CACUL1: variants seen among roughly 807,000 people sequenced by gnomAD.
CACUL1 encodes the protein CDK2 associated cullin domain 1, also known as CDK2-associated and cullin domain-containing protein 1.
In CACUL1, 13 loss-of-function variants were observed where a neutral mutation model predicts 45.2. The ratio of observed to expected loss-of-function variants is 0.29; its 90% confidence interval spans 0.19 to 0.46. The LOEUF is 0.46. Among genes scored for constraint, CACUL1 ranks in the 20% least tolerant of loss-of-function variants. CACUL1 has a pLI of 1.00. For missense variants in CACUL1, 421 were observed against 471.4 expected, an observed-to-expected ratio of 0.89 and a Z score of 0.99; for synonymous variants, 197 against 174.2, an observed-to-expected ratio of 1.13 and a Z score of -1.03.
chr10:118,714,338 A>G (rs1845521287), intron 3 of CACUL1, among the ~76,000 whole-genome samples: 1 of 152,116 alleles, frequency 6.6e-6, no homozygotes, highest in Admixed American at 6.5e-5. Flanking sequence ...GATCTTCCCA[A>G]TGTTGATTTC....
rs1845530047 is a variant in CACUL1 at position 118,715,152 on chromosome 10, AAAT to A, written c.598-7568_598-7566del. On this transcript the variant is annotated intron_variant, in intron 3 of 8. Coordinates refer to ENST00000369151, the MANE Select transcript of CACUL1 (RefSeq NM_153810.5). ...ATAGTCTTATGCATAATTATATTAA[AAAT>A]AATTTCAGTTGTCCAGTTTAAATAG... is the stretch of plus-strand genomic sequence containing the variant. 2.0e-5 allele frequency among the ~76,000 whole-genome samples: 3 copies of A among 152,254 alleles called. No homozygotes were observed. In the South Asian group the frequency reaches 6.2e-4, roughly 31 times the overall value.
intron 1 of CACUL1, among the ~76,000 whole-genome samples, chr10:118,736,160 G>A (rs1380540497): frequency 1.3e-5 from 2 of 152,136 alleles, no homozygotes; most frequent in South Asian, 2.1e-4. Context: ...GGAAGCCCTT[G>A]TAGATAAAGA....
intron 5 of CACUL1, among the ~76,000 whole-genome samples, 167 bp downstream of exon 5, chr10:118,701,139 C>A (rs1224432002): frequency 6.6e-6 from 1 of 152,058 alleles, no homozygotes; most frequent in Non-Finnish European, 1.5e-5. Context: ...CCTTCAAGTC[C>A]CATTTTTAAT....
chr10:118,743,511 C>T (rs1372783423), intron 1 of CACUL1, among the ~76,000 whole-genome samples: 1 of 152,050 alleles, frequency 6.6e-6, no homozygotes, highest in East Asian at 1.9e-4. Flanking sequence ...AGTGGCTCAC[C>T]TAAGGTCAGG....
In CACUL1 at chr10:118,707,576, T is replaced by C. The variant is rs774482844; in HGVS notation, c.609A>G (p.Pro203=). 2 of 1,537,120 alleles carry C rather than the reference T, an allele frequency of 1.3e-6. No individual in the cohort carries two copies. The highest frequency in any genetic ancestry group is 1.8e-6 in the Non-Finnish European group (2 of 1,111,596). The change falls in exon 4 of 9, where the codon CCA becomes CCG. Residue 203 remains proline (P), a synonymous_variant. Coordinates refer to ENST00000369151, the MANE Select transcript of CACUL1 (RefSeq NM_153810.5). ...RVSKELQASP[P]DLYIERFNIA... ...TATTAAATCTTTCAATATAGAGATC[T>C]GGAGGGCTGGCCTGTGAGAAAGAAC...
intron 3 of CACUL1, among the ~76,000 whole-genome samples, chr10:118,710,365 G>A (rs1408314633): frequency 1.3e-5 from 2 of 152,124 alleles, no homozygotes; most frequent in African/African-American, 4.8e-5. Context: ...CTCAAAGCAT[G>A]ATCAATCCAA....
chr10:118,676,872 A>ACACACG lies in CACUL1; in HGVS notation c.*9255_*9256insCGTGTG, dbSNP rs1218530424. On this transcript the variant is annotated 3_prime_UTR_variant, in exon 9 of 9. Coordinates refer to ENST00000369151, the MANE Select transcript of CACUL1 (RefSeq NM_153810.5). ...CACACACACACACACACACACACAC[A>ACACACG]CTGGGGTGTGCACACTACGGCATTA... 6.6e-6 allele frequency: 1 copy of ACACACG among 151,044 alleles called. No homozygotes were observed. Among genetic ancestry groups the ACACACG allele is most frequent in the African/African-American group, 2.5e-5 (1 of 40,780 alleles). 9.4% of individuals were successfully genotyped at this position (151,044 alleles called of 1,614,324 possible).
chr10:118,708,305 G>A (rs1845452681), intron 3 of CACUL1, among the ~76,000 whole-genome samples: 1 of 152,106 alleles, frequency 6.6e-6, no homozygotes, highest in African/African-American at 2.4e-5. Context: ...TGTACTATTA[G>A]AATGGCTAAT....
chr10:118,700,280 A>G (rs1845365802), intron 5 of CACUL1, among the ~76,000 whole-genome samples: 1 of 152,224 alleles, frequency 6.6e-6, no homozygotes, highest in African/African-American at 2.4e-5. Context: ...GATGTGTCAC[A>G]TAAGATAGGA....
At chr10:118,746,919 A>G (rs1845848085) in intron 1 of CACUL1, among the ~76,000 whole-genome samples, 1 of 152,224 alleles carries the variant, frequency 6.6e-6, no homozygotes, top group African/African-American at 2.4e-5. Context: ...CCCAGGCCAC[A>G]GGAACCGGTC....
intron 1 of CACUL1, among the ~76,000 whole-genome samples, chr10:118,738,603 C>T (rs543166191): frequency 2.6e-5 from 4 of 151,782 alleles, no homozygotes; most frequent in Non-Finnish European, 5.9e-5. Context: ...AATAGCAGCT[C>T]TGCATTCAAT....
intron 3 of CACUL1, among the ~76,000 whole-genome samples, chr10:118,717,267 T>C (rs891387585): frequency 6.6e-6 from 1 of 152,232 alleles, no homozygotes; most frequent in African/African-American, 2.4e-5. Flanking sequence ...AACACAGGCA[T>C]TTACTGCAGG....
intron 1 of CACUL1, among the ~76,000 whole-genome samples, chr10:118,751,952 T>C (rs1399774661): frequency 6.6e-6 from 1 of 152,174 alleles, no homozygotes; most frequent in Non-Finnish European, 1.5e-5. Context: ...TTACATATAG[T>C]ATTTACTTTT....
chr10:118,688,582 C>T (rs937656747), intron 7 of CACUL1, among the ~76,000 whole-genome samples: 2 of 152,130 alleles, frequency 1.3e-5, no homozygotes, highest in Non-Finnish European at 2.9e-5. Context: ...GGAACGCTCT[C>T]TCAAAACCCT....
At chr10:118,737,112 A>AT (rs1259267112) in intron 1 of CACUL1, among the ~76,000 whole-genome samples, 2 of 150,472 alleles carry the variant, frequency 1.3e-5, no homozygotes, top group Non-Finnish European at 3.0e-5. Context: ...GTACTTTAAC[A>AT]TATCTGTTCC....
At position 118,702,824 on chromosome 10, in the gene CACUL1, C is replaced by A. The variant is rs112858729; in HGVS notation, c.694-1416G>T. ...CTCAAACTCCTGACCTCAGGTGATC[C>A]GCCAGCCTCTGCCTCCCAAAGTGCT... On this transcript the variant is annotated intron_variant, in intron 4 of 8. Coordinates refer to ENST00000369151, the MANE Select transcript of CACUL1 (RefSeq NM_153810.5). 1.9e-3 allele frequency among the ~76,000 whole-genome samples: 285 copies of A among 152,194 alleles called. 1 individual carries two copies. Among genetic ancestry groups the A allele is most frequent in the African/African-American group, 6.3e-3 (263 of 41,532 alleles).
intron 4 of CACUL1, among the ~76,000 whole-genome samples, chr10:118,703,402 C>A (rs1589605918): frequency 6.6e-6 from 1 of 150,954 alleles, no homozygotes; most frequent in African/African-American, 2.4e-5. Context: ...AGATTTTTCT[C>A]TAAAAAAACA....
intron 3 of CACUL1, among the ~76,000 whole-genome samples, chr10:118,712,121 T>TG (rs1249801550): frequency 1.2e-4 from 18 of 152,184 alleles, no homozygotes; most frequent in Admixed American, 1.2e-3. Flanking sequence ...TAATAACCAT[T>TG]GTTACAAGAT....
chr10:118,747,126 T>C (rs1845850372), intron 1 of CACUL1, among the ~76,000 whole-genome samples: 1 of 152,182 alleles, frequency 6.6e-6, no homozygotes, highest in African/African-American at 2.4e-5. Context: ...TGGAACAATT[T>C]CATCCCAAAA....
Sources: gnomAD v4.1 joint callset for allele counts (sites outside exome capture counted in the v4.1 genomes callset) on GRCh38, gnomAD v4.1.1 for gene constraint, MANE v1.5 for transcripts, NCBI Gene and HGNC (gene_info 2026-07-23, HGNC 2026-07-21) for gene names.